Variants in ZNF407 observed in about 807,000 individuals in gnomAD.
ZNF407 encodes zinc finger protein 407.
Under a neutral mutation model 131.2 loss-of-function variants are expected in ZNF407, and 17 were observed. That is an observed-to-expected ratio of 0.13 (90% CI 0.09 to 0.19). ZNF407 has a LOEUF of 0.19. Ranked by LOEUF, ZNF407 falls within the 10% of genes least tolerant of loss-of-function variation. ZNF407 has a pLI of 1.00. For synonymous variants in ZNF407, 1,156 were observed against 1,062.0 expected, an observed-to-expected ratio of 1.09 and a Z score of -1.72; for missense variants, 2,681 against 2,830.6, an observed-to-expected ratio of 0.95 and a Z score of 1.20.
chr18:75,008,930 C>G (rs1175867255), intron 8 of ZNF407, among the ~76,000 whole-genome samples: 1 of 152,104 alleles, frequency 6.6e-6, no homozygotes, highest in Non-Finnish European at 1.5e-5. Context: ...ACCTTTATCT[C>G]ATGTTCAATT....
chr18:74,994,197 G>A (rs1972751828), intron 8 of ZNF407, among the ~76,000 whole-genome samples: 1 of 151,924 alleles, frequency 6.6e-6, no homozygotes, highest in South Asian at 2.1e-4. Flanking sequence ...AAGTATTCAT[G>A]AGTAAAAGAG....
At position 74,719,452 on chromosome 18, in the gene ZNF407, G is replaced by T. The variant is rs77956951; in HGVS notation, c.4803-61976G>T. Among the ~76,000 whole-genome samples the T allele has an allele frequency of 1.5e-3, 226 of 152,148 alleles. 1 individual carries two copies. In the East Asian group the frequency reaches 0.025, roughly 17 times the overall value. The stretch of plus-strand genomic sequence containing the variant: ...TCTTGCTCTGTCGCCCAGGCTGGAG[G>T]GCAGTGGCGCGATCTCAGCTCACTG... On this transcript the variant is annotated intron_variant, in intron 3 of 8. Transcript: ENST00000299687.
At chr18:74,881,496 C>G (rs1439432684) in intron 6 of ZNF407, among the ~76,000 whole-genome samples, 4 of 152,056 alleles carry the variant, frequency 2.6e-5, no homozygotes, top group African/African-American at 7.2e-5. Context: ...CAGTCATTCT[C>G]TCTACCCACC....
intron 3 of ZNF407, among the ~76,000 whole-genome samples, chr18:74,715,451 C>T (rs768979748): frequency 3.3e-5 from 5 of 152,134 alleles, no homozygotes; most frequent in Non-Finnish European, 7.3e-5. Context: ...TGATGCAGTG[C>T]GAGCGGTGGT....
chr18:74,811,728 CAT>C (rs1970198093), intron 4 of ZNF407, among the ~76,000 whole-genome samples: 1 of 151,994 alleles, frequency 6.6e-6, no homozygotes, highest in African/African-American at 2.4e-5. Flanking sequence ...TTTGTAGGGA[CAT>C]GGATGAAATT....
intron 7 of ZNF407, among the ~76,000 whole-genome samples, chr18:74,902,400 G>A (rs977323355): frequency 3.9e-5 from 6 of 152,180 alleles, no homozygotes; most frequent in African/African-American, 4.8e-5. Flanking sequence ...ACAAGGGCTC[G>A]CAGGAGTCGA....
At chr18:74,966,874 C>T (rs930350090) in intron 8 of ZNF407, among the ~76,000 whole-genome samples, 5 of 152,114 alleles carry the variant, frequency 3.3e-5, no homozygotes, top group African/African-American at 1.2e-4. Context: ...AGATCTTTTA[C>T]TTCTTTGGTT....
chr18:74,766,237 G>A (rs1157881401), intron 3 of ZNF407, among the ~76,000 whole-genome samples: 6 of 152,216 alleles, frequency 3.9e-5, no homozygotes, highest in Non-Finnish European at 8.8e-5. Flanking sequence ...GGAGGGATGT[G>A]ACATGAGGGA....
chr18:74,905,085 C>T (rs1971578021), intron 7 of ZNF407, among the ~76,000 whole-genome samples: 1 of 152,158 alleles, frequency 6.6e-6, no homozygotes. Context: ...ATACACAACT[C>T]TTTTGTCTTG....
At chr18:74,884,591 A>G (rs575232620) in intron 6 of ZNF407, among the ~76,000 whole-genome samples, 66 of 152,284 alleles carry the variant, frequency 4.3e-4, no homozygotes, top group Non-Finnish European at 8.7e-4. Flanking sequence ...ATATTACACA[A>G]TGTAATCTAT....
In ZNF407 at chr18:74,631,044, G is replaced by A. The variant is rs376905611; in HGVS notation, c.25G>A (p.Glu9Lys). MMDSENKPENDEDEKINKE... is the reference protein window; with the variant it reads MMDSENKPKNDEDEKINKE... ...AATGATGGATAGTGAGAATAAACCC[G>A]AAAATGATGAGGATGAAAAGATAAA... Residue 9 changes from glutamate to lysine, a missense_variant, in exon 2 of 9, where the codon GAA becomes AAA. By Grantham distance (56) the Glu-to-Lys change is moderately conservative. Coordinates refer to ENST00000299687, the MANE Select transcript of ZNF407 (RefSeq NM_017757.3). 7 of 1,610,544 alleles carry A rather than the reference G, an allele frequency of 4.3e-6. No individual in the cohort carries two copies. The highest frequency in any genetic ancestry group is 1.1e-5 in the South Asian group (1 of 90,560).
rs565462058 is a variant in ZNF407, at chr18:74,753,525, G to T, written c.4803-27903G>T. Among the ~76,000 whole-genome samples the T allele has an allele frequency of 5.9e-5, 9 of 152,234 alleles. 1 individual carries two copies. The highest frequency in any genetic ancestry group is 6.8e-3 in the Middle Eastern group (2 of 294). ...AAATAGCTCTTATTATTTGGGAGAC[G>T]TCCCATCAATACCTAGTTTATTGAG... On this transcript the variant is annotated intron_variant, in intron 3 of 8. Coordinates refer to ENST00000299687, the MANE Select transcript of ZNF407 (RefSeq NM_017757.3).
At chr18:75,059,800 T>TG (rs2122286490) in intron 8 of ZNF407, among the ~76,000 whole-genome samples, 1 of 58,660 alleles carries the variant, frequency 1.7e-5, no homozygotes, top group South Asian at 5.4e-4. Context: ...GGATCAAAGT[T>TG]TACAAGACAA....
chr18:74,929,670 G>T (rs7244112), intron 8 of ZNF407, among the ~76,000 whole-genome samples: 15 of 152,096 alleles, frequency 9.9e-5, no homozygotes, highest in Non-Finnish European at 2.1e-4. Flanking sequence ...TTGCCCACTC[G>T]TGTTGCTACT....
chr18:74,921,252 T>C (rs1336738427), intron 8 of ZNF407, among the ~76,000 whole-genome samples: 1 of 152,128 alleles, frequency 6.6e-6, no homozygotes, highest in Non-Finnish European at 1.5e-5. Context: ...TTCTTGCCTC[T>C]TGGGTGGCAA....
intron 4 of ZNF407, among the ~76,000 whole-genome samples, chr18:74,818,865 T>TAAAAAAAAAAAA (rs11392274): frequency 7.2e-6 from 1 of 139,438 alleles, no homozygotes; most frequent in Non-Finnish European, 1.5e-5. Context: ...CATTGAACAG[T>TAAAAAAAAAAAA]AAAAAAAAAA....
chr18:74,728,915 C>T (rs552854084), intron 3 of ZNF407, among the ~76,000 whole-genome samples: 7 of 152,244 alleles, frequency 4.6e-5, no homozygotes, highest in South Asian at 2.1e-4. Flanking sequence ...TTGAGTGGTA[C>T]GGTTGTTTTT....
At chr18:74,725,242 C>T (rs1968130366) in intron 3 of ZNF407, among the ~76,000 whole-genome samples, 1 of 152,078 alleles carries the variant, frequency 6.6e-6, no homozygotes, top group Non-Finnish European at 1.5e-5. Context: ...CTCCAGTGAG[C>T]CTCTCAGCTC....
intron 3 of ZNF407, among the ~76,000 whole-genome samples, chr18:74,715,260 T>G (rs975721543): frequency 6.6e-6 from 1 of 152,260 alleles, no homozygotes; most frequent in Non-Finnish European, 1.5e-5. Flanking sequence ...CGGTAACTTG[T>G]GCTTCCATGT....
Sources: gnomAD v4.1 joint callset for allele counts (sites outside exome capture counted in the v4.1 genomes callset) on GRCh38, gnomAD v4.1.1 for gene constraint, MANE v1.5 for transcripts, NCBI Gene and HGNC (gene_info 2026-07-23, HGNC 2026-07-21) for gene names.